The following CDK14 variants were observed in gnomAD, a reference collection of about 807,000 sequenced individuals.
CDK14 encodes the protein cyclin dependent kinase 14.
CDK14 carries 34 observed loss-of-function variants against 60.7 expected under a neutral mutation model. The ratio of observed to expected loss-of-function variants is 0.56; its 90% CI spans 0.43 to 0.75. The LOEUF is 0.75. CDK14 is among the 30% of genes least tolerant of loss of function. The probability of loss-of-function intolerance (pLI) is 0.00; values close to 1 mark genes in which losing one functional copy is unlikely to be tolerated. For synonymous variants in CDK14, 197 were observed against 203.7 expected, an observed-to-expected ratio of 0.97 and a Z score of 0.28; for missense variants, 482 against 564.1, an observed-to-expected ratio of 0.85 and a Z score of 1.47.
chr7:90,735,411 A>T (rs184128548), intron 3 of CDK14, among the ~76,000 whole-genome samples: 112 of 152,276 alleles, frequency 7.4e-4, no homozygotes, highest in African/African-American at 2.5e-3. Flanking sequence ...CTGCGCCCAC[A>T]GCCGCCCCTT....
intron 2 of CDK14, among the ~76,000 whole-genome samples, chr7:90,711,622 G>T (rs1047587705): frequency 6.6e-6 from 1 of 152,034 alleles, no homozygotes; most frequent in Admixed American, 6.6e-5. Context: ...CACCCACTAT[G>T]TGTAAAACAT....
Position 91,208,234 on chromosome 7 carries a change from A to G in CDK14, c.*1098A>G, listed in dbSNP as rs546320881. The G allele has an allele frequency of 4.4e-4, 67 of 152,782 alleles. No homozygotes were observed. The highest frequency in any genetic ancestry group is 1.6e-3 in the African/African-American group (65 of 41,586). The allele number at this position is 152,782 out of a possible 1,614,324, so 9.5% of individuals were successfully genotyped here. Reference sequence around the variant, plus strand: ...GACATCTCCTGGAATAACTGTTCAAATGCAGGTTTTAGAAACAATGCAGGA... The same window carrying G: ...GACATCTCCTGGAATAACTGTTCAAGTGCAGGTTTTAGAAACAATGCAGGA... On this transcript the variant is annotated 3_prime_UTR_variant, in exon 15 of 15. Transcript: ENST00000380050.
intron 7 of CDK14, among the ~76,000 whole-genome samples, chr7:90,902,700 A>T (rs1374353235): frequency 6.6e-6 from 1 of 152,172 alleles, no homozygotes; most frequent in Non-Finnish European, 1.5e-5. Flanking sequence ...CTAGGAAAAG[A>T]TTCTATGACT....
At chr7:90,666,448 C>A (rs947580415) in intron 2 of CDK14, 1 of 152,128 alleles carries the variant, frequency 6.6e-6, no homozygotes, top group African/African-American at 2.4e-5. Context: ...CACCAGTTTC[C>A]CGAATGAGAC....
intron 14 of CDK14, among the ~76,000 whole-genome samples, chr7:91,148,616 G>A (rs946889561): frequency 6.6e-6 from 1 of 152,134 alleles, no homozygotes; most frequent in African/African-American, 2.4e-5. Context: ...CACTCTTAAG[G>A]ACATTGCATT....
intron 2 of CDK14, among the ~76,000 whole-genome samples, chr7:90,617,829 G>A (rs1301603915): frequency 6.6e-6 from 1 of 152,144 alleles, no homozygotes; most frequent in East Asian, 1.9e-4. Flanking sequence ...TGCTAGACAT[G>A]AGGGCTCTGT....
intron 10 of CDK14, among the ~76,000 whole-genome samples, chr7:91,010,801 T>TTTCC (rs1253624022): frequency 0.057 from 4,903 of 85,962 alleles, 441 homozygotes; most frequent in East Asian, 0.35. Flanking sequence ...TCCTTCCTTC[T>TTTCC]TTCCTTCCTT....
At chr7:90,641,027 A>G (rs1267766723) in intron 2 of CDK14, among the ~76,000 whole-genome samples, 2 of 151,896 alleles carry the variant, frequency 1.3e-5, no homozygotes, top group African/African-American at 4.8e-5. Flanking sequence ...GGGAAATTCA[A>G]ATCAAAACCA....
At chr7:90,841,469 A>G (rs1790287871) in intron 5 of CDK14, among the ~76,000 whole-genome samples, 1 of 152,020 alleles carries the variant, frequency 6.6e-6, no homozygotes, top group South Asian at 2.1e-4. Context: ...AATAAAGTCT[A>G]TTATTTAAAA....
intron 2 of CDK14, among the ~76,000 whole-genome samples, chr7:90,647,234 A>T (rs1376126305): frequency 6.6e-6 from 1 of 152,170 alleles, no homozygotes; most frequent in Admixed American, 6.5e-5. Context: ...GAACCGTCTT[A>T]GTGTGTTAGG....
At chr7:91,078,992 A>T (rs937963965) in intron 11 of CDK14, among the ~76,000 whole-genome samples, 7 of 152,238 alleles carry the variant, frequency 4.6e-5, no homozygotes, top group African/African-American at 1.4e-4. Context: ...GAGCATGTAT[A>T]AATACCATAC....
chr7:90,974,766 T>G (rs1032688064), intron 9 of CDK14, among the ~76,000 whole-genome samples: 1 of 152,172 alleles, frequency 6.6e-6, no homozygotes, highest in Non-Finnish European at 1.5e-5. Context: ...AATGCAGATT[T>G]TTTTATTATG....
intron 7 of CDK14, among the ~76,000 whole-genome samples, chr7:90,909,311 A>G (rs1004902617): frequency 6.6e-6 from 1 of 152,126 alleles, no homozygotes; most frequent in Non-Finnish European, 1.5e-5. Flanking sequence ...TCTCTTGGAA[A>G]ATTATGTTAG....
At chr7:90,601,926 GTA>G (rs1322788828) in intron 1 of CDK14, among the ~76,000 whole-genome samples, 54 of 59,744 alleles carry the variant, frequency 9.0e-4, no homozygotes, top group Admixed American at 2.3e-3. Context: ...CTAATTTTAT[GTA>G]TGTATGTATG....
intron 5 of CDK14, among the ~76,000 whole-genome samples, chr7:90,839,011 G>A (rs1052488703): frequency 4.6e-5 from 7 of 152,072 alleles, no homozygotes; most frequent in Non-Finnish European, 8.8e-5. Flanking sequence ...TCGCCATCAC[G>A]GTCCTACCAA....
chr7:90,744,828 C>T lies in CDK14; in HGVS notation c.370-2853C>T, dbSNP rs1218578482. On this transcript the variant is annotated intron_variant, in intron 3 of 14. Coordinates refer to ENST00000380050, the MANE Select transcript of CDK14 (RefSeq NM_001287135.2). ...GCCGGGCGGGGGGCTGACGCCCCCACCTCCCTCCCGGACGGGGGCTGACCC... is the reference window on the plus strand; with the variant it reads ...GCCGGGCGGGGGGCTGACGCCCCCATCTCCCTCCCGGACGGGGGCTGACCC... 6.6e-5 allele frequency among the ~76,000 whole-genome samples: 4 copies of T among 60,604 alleles called. 1 individual carries two copies. Among genetic ancestry groups the T allele is most frequent in the African/African-American group, 2.5e-4 (4 of 16,122 alleles). 39.8% of individuals were successfully genotyped at this position (60,604 alleles called of 152,430 possible). A position where few individuals can be genotyped will look rare whatever the true frequency, so the allele number is the denominator to read the frequency against.
intron 5 of CDK14, among the ~76,000 whole-genome samples, chr7:90,860,047 A>G (rs1402817849): frequency 2.6e-5 from 4 of 152,104 alleles, no homozygotes; most frequent in Non-Finnish European, 4.4e-5. Flanking sequence ...TGAATACTCT[A>G]CTTGAATTGT....
chr7:90,754,998 T>G (rs1803998577), intron 4 of CDK14, among the ~76,000 whole-genome samples: 1 of 152,166 alleles, frequency 6.6e-6, no homozygotes, highest in Non-Finnish European at 1.5e-5. Flanking sequence ...AAGGGAACGC[T>G]TATACACTGC....
intron 7 of CDK14, among the ~76,000 whole-genome samples, chr7:90,915,896 T>C (rs1181114002): frequency 1.3e-5 from 2 of 152,234 alleles, no homozygotes; most frequent in Non-Finnish European, 2.9e-5. Context: ...TAGTGTTATG[T>C]ATTCATTAAA....
Sources: allele counts gnomAD v4.1 joint callset (sites outside exome capture counted in the v4.1 genomes callset), GRCh38; gene constraint gnomAD v4.1.1; transcripts MANE v1.5; gene names NCBI Gene and HGNC (gene_info 2026-07-23, HGNC 2026-07-21).